The following CEP112 variants were observed in gnomAD, a reference collection of about 807,000 sequenced individuals.
CEP112 encodes centrosomal protein of 112 kDa.
Under a neutral mutation model 153.0 loss-of-function variants are expected in CEP112, and 127 were observed. That is an observed-to-expected ratio of 0.83 (90% CI 0.72 to 0.96). CEP112 has a LOEUF of 0.96. Ranked by LOEUF, CEP112 falls within the 40% of genes least tolerant of loss-of-function variation. The pLI, the probability that CEP112 is intolerant of heterozygous loss-of-function variation, is 0.00. For synonymous variants in CEP112, 358 were observed against 374.4 expected, an observed-to-expected ratio of 0.96 and a Z score of 0.51; for missense variants, 1,089 against 1,101.2, an observed-to-expected ratio of 0.99 and a Z score of 0.16.
chr17:66,028,256 T>C, intron 15 of CEP112, 57 bp downstream of exon 15: 1 of 1,065,720 alleles, frequency 9.4e-7, no homozygotes, highest in Non-Finnish European at 1.4e-6. Context: ...ATGATACATC[T>C]GAATCAAGAA....
chr17:66,008,631 A>G (rs1034156208), intron 16 of CEP112, among the ~76,000 whole-genome samples: 9 of 152,168 alleles, frequency 5.9e-5, no homozygotes, highest in African/African-American at 2.2e-4. Flanking sequence ...GTCATGAGCC[A>G]TTCTGACCAG....
At chr17:65,862,360 G>A (rs755119810) in intron 20 of CEP112, among the ~76,000 whole-genome samples, 2 of 152,130 alleles carry the variant, frequency 1.3e-5, no homozygotes, top group East Asian at 1.9e-4. Context: ...AGGCCAAGGC[G>A]AGTGGATCAC....
At chr17:66,043,250 C>G (rs1338388329) in intron 12 of CEP112, 1 of 158,464 alleles carries the variant, frequency 6.3e-6, no homozygotes, top group Non-Finnish European at 1.4e-5. Flanking sequence ...ATTAGCAATA[C>G]CTGGAACAAA....
In CEP112 at chr17:65,927,699, T is replaced by C; in HGVS notation, c.1873-10A>G. On this transcript the variant is annotated splice_polypyrimidine_tract_variant and intron_variant, in intron 18 of 26. Coordinates refer to ENST00000535342, the MANE Select transcript of CEP112 (RefSeq NM_001199165.4). ...CCTCCACTTTTTCCATCTATAAAAT[T>C]TAAAAATCAAATATTAATTTTTTAA... 6.7e-7 allele frequency: 1 copy of C among 1,490,766 alleles called. No homozygotes were observed. Among genetic ancestry groups the C allele is most frequent in the Non-Finnish European group, 9.0e-7 (1 of 1,108,700 alleles). 92.3% of individuals were successfully genotyped at this position (1,490,766 alleles called of 1,614,324 possible). A position where few individuals can be genotyped will look rare whatever the true frequency, so the allele number is the denominator to read the frequency against.
chr17:66,017,221 T>A (rs1381644882), intron 16 of CEP112, among the ~76,000 whole-genome samples: 1 of 152,260 alleles, frequency 6.6e-6, no homozygotes, highest in Non-Finnish European at 1.5e-5. Flanking sequence ...TTTTTGTAAC[T>A]GCTTTTTATC....
At chr17:65,937,578 GC>G (rs1259022824) in intron 18 of CEP112, among the ~76,000 whole-genome samples, 1 of 71,660 alleles carries the variant, frequency 1.4e-5, no homozygotes, top group African/African-American at 4.7e-5. Flanking sequence ...GGGGGGGTCA[GC>G]CCCCCACCCG....
intron 8 of CEP112, among the ~76,000 whole-genome samples, chr17:66,071,756 G>A (rs985447776): frequency 2.0e-5 from 3 of 152,172 alleles, no homozygotes; most frequent in Non-Finnish European, 4.4e-5. Context: ...CAGCAACCAA[G>A]AGAAAGCAGG....
chr17:65,886,052 C>A (rs1004763894), intron 20 of CEP112, among the ~76,000 whole-genome samples: 2 of 152,218 alleles, frequency 1.3e-5, no homozygotes, highest in Non-Finnish European at 2.9e-5. Flanking sequence ...CATAAAACCT[C>A]ATCTGGTTCG....
chr17:65,921,742 T>C (rs533045011), intron 19 of CEP112, among the ~76,000 whole-genome samples: 1 of 152,310 alleles, frequency 6.6e-6, no homozygotes, highest in South Asian at 2.1e-4. Flanking sequence ...CTTCCATTAA[T>C]AGTATCAATT....
rs1372904138 is a variant in CEP112, at chr17:66,083,854, T to C, written c.768+12397A>G. 4.6e-5 allele frequency among the ~76,000 whole-genome samples: 7 copies of C among 152,248 alleles called. No homozygotes were observed. The East Asian group carries it at 9.7e-4, about 21-fold the overall frequency. ...GCCTGGGTGACTGAGCGAGACTCCA[T>C]GTCCAAAGACAAAACAACAAAAAAA... On this transcript the variant is annotated intron_variant, in intron 8 of 26. Transcript: ENST00000535342.
chr17:66,124,028 G>C (rs1288712183), intron 6 of CEP112, among the ~76,000 whole-genome samples: 1 of 152,154 alleles, frequency 6.6e-6, no homozygotes, highest in Non-Finnish European at 1.5e-5. Context: ...TCTGGTGTCA[G>C]TTTCAAGTTT....
Position 65,763,089 on chromosome 17 carries a change from C to T in CEP112, c.2395-12365G>A, listed in dbSNP as rs183066508. On this transcript the variant is annotated intron_variant, in intron 21 of 26. Coordinates refer to ENST00000535342, the MANE Select transcript of CEP112 (RefSeq NM_001199165.4). Reference sequence around the variant, plus strand: ...TTTTCGAGGTACAGAATTCTAGATTCGTAGAGGTGTTTTCTCTCAACACTT... The same window carrying T: ...TTTTCGAGGTACAGAATTCTAGATTTGTAGAGGTGTTTTCTCTCAACACTT... Among the ~76,000 whole-genome samples, 177 of 152,100 alleles carry T rather than the reference C, an allele frequency of 1.2e-3. 3 individuals carry two copies. The East Asian group carries it at 0.018, about 15-fold the overall frequency.
intron 18 of CEP112, 87 bp from the exon 19 acceptor site, chr17:65,927,776 A>G: frequency 1.4e-6 from 1 of 712,740 alleles, no homozygotes; most frequent in African/African-American, 1.8e-5. Flanking sequence ...TTTAAATGAC[A>G]GATTTTAAGC....
chr17:65,865,623 C>T (rs1568136609), intron 20 of CEP112, among the ~76,000 whole-genome samples: 1 of 152,152 alleles, frequency 6.6e-6, no homozygotes, highest in Non-Finnish European at 1.5e-5. Flanking sequence ...CCCACCAGCA[C>T]GTGGCTGAAG....
intron 2 of CEP112, chr17:66,182,219 T>C (rs1434311081): frequency 1.3e-5 from 2 of 152,240 alleles, no homozygotes; most frequent in African/African-American, 2.4e-5. Flanking sequence ...TACATTATAT[T>C]GTTATAATTG....
Position 65,729,726 on chromosome 17 carries a change from T to C in CEP112, c.2607+13342A>G, listed in dbSNP as rs375401530. On this transcript the variant is annotated intron_variant, in intron 23 of 26. Transcript: ENST00000535342. Reference sequence around the variant, plus strand: ...CAATTAACCACCAGCCTGGGCAACATGGTGAAACCCTGTCTCTATTAAAAA... The same window carrying C: ...CAATTAACCACCAGCCTGGGCAACACGGTGAAACCCTGTCTCTATTAAAAA... Among the ~76,000 whole-genome samples the C allele has an allele frequency of 6.6e-4, 101 of 152,290 alleles. 1 individual carries two copies. The highest frequency in any genetic ancestry group is 2.3e-3 in the African/African-American group (95 of 41,560).
chr17:66,005,020 T>C (rs2064214165), intron 17 of CEP112, among the ~76,000 whole-genome samples: 1 of 152,306 alleles, frequency 6.6e-6, no homozygotes, highest in East Asian at 1.9e-4. Flanking sequence ...TATATGGTTC[T>C]ATGGGAATGT....
intron 19 of CEP112, among the ~76,000 whole-genome samples, chr17:65,926,150 A>G (rs1028579449): frequency 1.3e-5 from 2 of 152,194 alleles, no homozygotes; most frequent in African/African-American, 2.4e-5. Context: ...TACAGCAGGA[A>G]CCTTTCTCCC....
intron 23 of CEP112, among the ~76,000 whole-genome samples, chr17:65,711,293 G>T (rs1445461023): frequency 6.6e-6 from 1 of 152,150 alleles, no homozygotes; most frequent in Non-Finnish European, 1.5e-5. Flanking sequence ...GCCTGAGTTG[G>T]AATCTCTGCT....
Sources: gnomAD v4.1 joint callset for allele counts (sites outside exome capture counted in the v4.1 genomes callset) on GRCh38, gnomAD v4.1.1 for gene constraint, MANE v1.5 for transcripts, NCBI Gene and HGNC (gene_info 2026-07-23, HGNC 2026-07-21) for gene names.